PTPRD: variants seen among roughly 807,000 people sequenced by gnomAD.
The protein encoded by PTPRD is receptor-type tyrosine-protein phosphatase delta.
PTPRD carries 34 observed loss-of-function variants against 214.5 expected under a neutral mutation model. The observed-to-expected ratio is 0.16, with a 90% CI of 0.12 to 0.21. PTPRD has a LOEUF of 0.21. Ranked by LOEUF, PTPRD falls within the 10% of genes least tolerant of loss-of-function variation. The probability of loss-of-function intolerance (pLI) is 1.00; values close to 1 mark genes in which losing one functional copy is unlikely to be tolerated. For missense variants in PTPRD, 2,545 were observed against 2,398.7 expected (o/e 1.06, Z -1.27); for synonymous variants, 1,128 against 845.7 (o/e 1.33, Z -5.79).
intron 11 of PTPRD, among the ~76,000 whole-genome samples, chr9:8,967,132 TAA>T (rs879834633): frequency 7.2e-6 from 1 of 139,156 alleles, no homozygotes. Context: ...ATTATTAAAG[TAA>T]AAAAAAAAAA....
intron 11 of PTPRD, among the ~76,000 whole-genome samples, chr9:8,868,951 C>A (rs553701651): frequency 6.5e-4 from 99 of 152,252 alleles, no homozygotes; most frequent in African/African-American, 2.3e-3. Flanking sequence ...AAATACAATA[C>A]AAACATCCTC....
intron 2 of PTPRD, among the ~76,000 whole-genome samples, chr9:10,520,984 T>C (rs2052042949): frequency 6.6e-6 from 1 of 151,764 alleles, no homozygotes; most frequent in Non-Finnish European, 1.5e-5. Flanking sequence ...TAACACAACA[T>C]GTAGCCTATG....
chr9:8,781,683 C>A (rs537375073), intron 11 of PTPRD, among the ~76,000 whole-genome samples: 84 of 152,202 alleles, frequency 5.5e-4, no homozygotes, highest in African/African-American at 2.0e-3. Flanking sequence ...AAATGAATTC[C>A]AAGGCTCTCT....
intron 3 of PTPRD, among the ~76,000 whole-genome samples, chr9:10,283,544 G>A (rs915225251): frequency 3.3e-5 from 5 of 151,992 alleles, no homozygotes; most frequent in African/African-American, 1.2e-4. Flanking sequence ...TATGTCTATT[G>A]GTCTTGTGCA....
At position 9,567,664 on chromosome 9, in the gene PTPRD, G is replaced by T. The variant is rs1461248724; in HGVS notation, c.-237+7068C>A. Among the ~76,000 whole-genome samples, 3 of 151,972 alleles carry T rather than the reference G, an allele frequency of 2.0e-5. No homozygotes were observed. The East Asian group carries it at 5.8e-4, about 29-fold the overall frequency. ...TATAACAGATACCACTGGTTGCCTA[G>T]CAAAGAACCATTTCTCCTTTTCTGC... On this transcript the variant is annotated intron_variant, in intron 8 of 45. Coordinates refer to ENST00000381196, the MANE Select transcript of PTPRD (RefSeq NM_002839.4).
At chr9:10,225,127 T>C (rs1334132021) in intron 3 of PTPRD, among the ~76,000 whole-genome samples, 1 of 152,028 alleles carries the variant, frequency 6.6e-6, no homozygotes, top group Non-Finnish European at 1.5e-5. Context: ...TAGCTCCATG[T>C]CATAAAACTT....
At chr9:8,396,229 CATA>C (rs1203832017) in intron 36 of PTPRD, among the ~76,000 whole-genome samples, 1 of 152,064 alleles carries the variant, frequency 6.6e-6, no homozygotes, top group East Asian at 1.9e-4. Context: ...TCCAAAATGT[CATA>C]TGGATTTTAG....
At chr9:9,828,304 T>C (rs542048794) in intron 5 of PTPRD, among the ~76,000 whole-genome samples, 17 of 152,082 alleles carry the variant, frequency 1.1e-4, no homozygotes, top group African/African-American at 3.6e-4. Flanking sequence ...CACATATACA[T>C]CATGGAATAC....
Position 9,869,945 on chromosome 9 carries a change from A to G in PTPRD, c.-368+68562T>C, listed in dbSNP as rs569820377. On this transcript the variant is annotated intron_variant, in intron 5 of 45. Transcript: ENST00000381196. ...TTAAGCAATGGTTGCTAATTTTGTA[A>G]AGTTTGTCCATAGCACTGTAGCATG... is the stretch of plus-strand genomic sequence containing the variant. Among the ~76,000 whole-genome samples, 6 of 152,150 alleles carry G rather than the reference A, an allele frequency of 3.9e-5. No homozygotes were observed. The South Asian group carries it at 6.2e-4, about 16-fold the overall frequency.
At chr9:10,236,576 CT>C (rs2099629619) in intron 3 of PTPRD, among the ~76,000 whole-genome samples, 1 of 151,856 alleles carries the variant, frequency 6.6e-6, no homozygotes, top group Non-Finnish European at 1.5e-5. Flanking sequence ...TATAATTTCA[CT>C]TTGAAAAATA....
chr9:9,922,199 G>C (rs1443684782), intron 5 of PTPRD, among the ~76,000 whole-genome samples: 1 of 152,086 alleles, frequency 6.6e-6, no homozygotes, highest in Non-Finnish European at 1.5e-5. Flanking sequence ...TCTGAACAGA[G>C]AAAAATTCAT....
chr9:10,503,724 A>G (rs117505858), intron 2 of PTPRD, among the ~76,000 whole-genome samples: 34 of 152,158 alleles, frequency 2.2e-4, no homozygotes, highest in Admixed American at 9.8e-4. Flanking sequence ...TGAATAGACT[A>G]TATGGTGGGT....
chr9:8,864,140 A>C (rs1247075742), intron 11 of PTPRD, among the ~76,000 whole-genome samples: 1 of 152,224 alleles, frequency 6.6e-6, no homozygotes, highest in Non-Finnish European at 1.5e-5. Flanking sequence ...GAAAGAAGGA[A>C]AACTCTGTTT....
intron 7 of PTPRD, among the ~76,000 whole-genome samples, chr9:9,687,754 A>C (rs570399293): frequency 4.5e-4 from 68 of 151,994 alleles, no homozygotes; most frequent in Non-Finnish European, 5.5e-4. Context: ...GGTCAAAAAC[A>C]AAATGTTGAT....
At chr9:9,341,421 T>C (rs934984180) in intron 9 of PTPRD, among the ~76,000 whole-genome samples, 2 of 152,214 alleles carry the variant, frequency 1.3e-5, no homozygotes, top group African/African-American at 4.8e-5. Flanking sequence ...ATCTCCTCCT[T>C]TGTGAACCCC....
intron 12 of PTPRD, among the ~76,000 whole-genome samples, chr9:8,716,754 CA>C (rs2098440996): frequency 6.6e-6 from 1 of 152,132 alleles, no homozygotes; most frequent in African/African-American, 2.4e-5. Context: ...AGATACAACA[CA>C]AACTTTCGAA....
intron 8 of PTPRD, among the ~76,000 whole-genome samples, chr9:9,542,487 A>G (rs1374606150): frequency 1.3e-5 from 2 of 151,864 alleles, no homozygotes; most frequent in Non-Finnish European, 2.9e-5. Flanking sequence ...AACAATGCCA[A>G]ATCATCAAAA....
chr9:9,047,563 C>A (rs1050146715), intron 10 of PTPRD, among the ~76,000 whole-genome samples: 5 of 151,942 alleles, frequency 3.3e-5, no homozygotes, highest in African/African-American at 1.2e-4. Flanking sequence ...TAGACCAATG[C>A]AACAGAATAG....
intron 44 of PTPRD, among the ~76,000 whole-genome samples, chr9:8,330,815 A>AGCAAAATATATTTTT (rs1250648735): frequency 6.6e-6 from 1 of 151,544 alleles, no homozygotes; most frequent in Non-Finnish European, 1.5e-5. Context: ...GATGTGCTGA[A>AGCAAAATATATTTTT]GCAAAATATA....
Sources: gnomAD v4.1 joint callset for allele counts (sites outside exome capture counted in the v4.1 genomes callset) on GRCh38, gnomAD v4.1.1 for gene constraint, MANE v1.5 for transcripts, NCBI Gene and HGNC (gene_info 2026-07-23, HGNC 2026-07-21) for gene names.